LYPD6: variants seen among roughly 807,000 people sequenced by gnomAD.
The protein encoded by LYPD6 is LY6/PLAUR domain containing 6.
In LYPD6, 15 loss-of-function variants were observed where a neutral mutation model predicts 22.7. The ratio of observed to expected loss-of-function variants is 0.66; its 90% CI spans 0.44 to 1.02. The LOEUF (loss-of-function observed/expected upper bound fraction) is 1.02. Ranked by LOEUF, LYPD6 falls within the 50% of genes least tolerant of loss-of-function variation. The pLI is 0.00. For synonymous variants in LYPD6, 72 were observed against 77.5 expected (o/e 0.93, Z 0.37); for missense variants, 189 against 208.4 (o/e 0.91, Z 0.57).
chr2:149,359,261 A>G (rs549488154), intron 1 of LYPD6, among the ~76,000 whole-genome samples: 1 of 152,132 alleles, frequency 6.6e-6, no homozygotes, highest in East Asian at 1.9e-4. Context: ...TGAGATTCCT[A>G]TGGGGGTGTC....
At chr2:149,357,904 G>A (rs764411101) in intron 1 of LYPD6, among the ~76,000 whole-genome samples, 1 of 150,720 alleles carries the variant, frequency 6.6e-6, no homozygotes, top group Non-Finnish European at 1.5e-5. Context: ...TTCTGCCTCA[G>A]CCTCCTGAGT....
At chr2:149,450,653 C>A (rs1026408022) in intron 3 of LYPD6, among the ~76,000 whole-genome samples, 2 of 152,184 alleles carry the variant, frequency 1.3e-5, no homozygotes, top group Admixed American at 6.5e-5. Flanking sequence ...CTGCTCATTT[C>A]CAAATGGGCC....
chr2:149,370,151 A>G (rs1378799955), intron 1 of LYPD6, among the ~76,000 whole-genome samples: 3 of 152,138 alleles, frequency 2.0e-5, no homozygotes, highest in Non-Finnish European at 1.5e-5. Flanking sequence ...TTTGCTCCTT[A>G]AATGTACTGA....
At chr2:149,433,431 A>G (rs1683360382) in intron 1 of LYPD6, among the ~76,000 whole-genome samples, 1 of 152,176 alleles carries the variant, frequency 6.6e-6, no homozygotes, top group Non-Finnish European at 1.5e-5. Flanking sequence ...AGCATCTTTT[A>G]TACAAGTAAA....
At chr2:149,436,394 G>A (rs574659215) in intron 1 of LYPD6, among the ~76,000 whole-genome samples, 20 of 152,288 alleles carry the variant, frequency 1.3e-4, no homozygotes, top group Non-Finnish European at 2.9e-4. Context: ...AGGAAACCAA[G>A]AAGATAGCAA....
intron 1 of LYPD6, among the ~76,000 whole-genome samples, chr2:149,357,990 T>A (rs1681479499): frequency 6.6e-6 from 1 of 152,116 alleles, no homozygotes; most frequent in Non-Finnish European, 1.5e-5. Context: ...TTTACCATGT[T>A]GTCCAGGCTG....
chr2:149,338,036 A>G (rs538376948), intron 1 of LYPD6, among the ~76,000 whole-genome samples: 2 of 152,154 alleles, frequency 1.3e-5, no homozygotes, highest in South Asian at 4.1e-4. Flanking sequence ...ACTGTTGATG[A>G]GCATTTAGGT....
At chr2:149,427,772 G>C (rs1415346010) in intron 1 of LYPD6, among the ~76,000 whole-genome samples, 1 of 152,202 alleles carries the variant, frequency 6.6e-6, no homozygotes, top group East Asian at 1.9e-4. Flanking sequence ...ACTCTATGAT[G>C]TTCACACAAC....
At chr2:149,444,032 C>G (rs1191037609) in intron 2 of LYPD6, among the ~76,000 whole-genome samples, 1 of 150,536 alleles carries the variant, frequency 6.6e-6, no homozygotes, top group East Asian at 2.0e-4. Context: ...CACCTGGGCT[C>G]AAGCGATCCT....
intron 1 of LYPD6, among the ~76,000 whole-genome samples, chr2:149,351,325 T>A (rs913351062): frequency 7.4e-6 from 1 of 135,656 alleles, no homozygotes. Context: ...ACCTGGGAGG[T>A]GGAGGTTGCA....
downstream of LYPD6, among the ~76,000 whole-genome samples, chr2:149,476,479 G>A (rs371105886): frequency 3.3e-5 from 5 of 152,120 alleles, no homozygotes; most frequent in Non-Finnish European, 7.3e-5. Context: ...TCCCAAAACC[G>A]TGTGTTGTCT....
At chr2:149,344,156 C>T (rs1253277133) in intron 1 of LYPD6, among the ~76,000 whole-genome samples, 1 of 152,118 alleles carries the variant, frequency 6.6e-6, no homozygotes, top group Non-Finnish European at 1.5e-5. Flanking sequence ...TAGTTTGTCT[C>T]TCCTCCTATT....
chr2:149,385,487 A>G (rs1173058571), intron 1 of LYPD6, among the ~76,000 whole-genome samples: 1 of 152,212 alleles, frequency 6.6e-6, no homozygotes, highest in African/African-American at 2.4e-5. Context: ...TCATGTCTGT[A>G]TAGGGCTACC....
intron 1 of LYPD6, among the ~76,000 whole-genome samples, chr2:149,403,284 T>C (rs1682605521): frequency 6.7e-6 from 1 of 150,178 alleles, no homozygotes; most frequent in African/African-American, 2.4e-5. Flanking sequence ...TTTCTAGTTC[T>C]AGATCCCTGA....
chr2:149,439,086 A>G (rs772237382), intron 2 of LYPD6, among the ~76,000 whole-genome samples: 10 of 152,234 alleles, frequency 6.6e-5, no homozygotes, highest in East Asian at 1.9e-4. Flanking sequence ...CACTAGGCCT[A>G]TACCACACCA....
chr2:149,470,904 C>A lies in LYPD6; in HGVS notation c.*54C>A. ...GATCCATGGGGATCTCGATGGTCCACAGACCTGCATGAGTCATTGGCCTGA... is the reference window on the plus strand; with the variant it reads ...GATCCATGGGGATCTCGATGGTCCAAAGACCTGCATGAGTCATTGGCCTGA... On this transcript the variant is annotated 3_prime_UTR_variant, in exon 5 of 5. Transcript: ENST00000334166. The A allele has an allele frequency of 6.6e-7, 1 of 1,519,682 alleles. No homozygotes were observed. The highest frequency in any genetic ancestry group is 9.1e-7 in the Non-Finnish European group (1 of 1,103,024). 94.1% of individuals were successfully genotyped at this position (1,519,682 alleles called of 1,614,324 possible).
At chr2:149,371,243 CA>C (rs1479857036) in intron 1 of LYPD6, among the ~76,000 whole-genome samples, 1 of 152,152 alleles carries the variant, frequency 6.6e-6, no homozygotes, top group Admixed American at 6.5e-5. Flanking sequence ...TGTCAGCTGT[CA>C]TTGGCAAAGC....
intron 3 of LYPD6, among the ~76,000 whole-genome samples, chr2:149,468,132 A>ACACACACACAC (rs1681243964): frequency 4.4e-5 from 5 of 114,664 alleles, no homozygotes; most frequent in Non-Finnish European, 3.6e-5. Context: ...GCTTCCCCCC[A>ACACACACACAC]ACACACACAC....
At chr2:149,335,104 A>G (rs1482294180) in intron 1 of LYPD6, among the ~76,000 whole-genome samples, 2 of 152,154 alleles carry the variant, frequency 1.3e-5, no homozygotes, top group African/African-American at 2.4e-5. Context: ...TGTTAATGCA[A>G]TTTATCATTA....
Sources: allele counts gnomAD v4.1 joint callset (sites outside exome capture counted in the v4.1 genomes callset), GRCh38; gene constraint gnomAD v4.1.1; transcripts MANE v1.5; gene names NCBI Gene and HGNC (gene_info 2026-07-23, HGNC 2026-07-21).